The following LRP1B variants were observed in gnomAD, a reference collection of about 807,000 sequenced individuals.
The protein encoded by LRP1B is low-density lipoprotein receptor-related protein 1B.
In LRP1B, 217 loss-of-function variants were observed where a neutral mutation model predicts 556.6. That is an observed-to-expected ratio of 0.39 (90% CI 0.35 to 0.44). The LOEUF (loss-of-function observed/expected upper bound fraction) is 0.44, where lower values mean the gene tolerates loss of function less well. Ranked by LOEUF, LRP1B falls within the 20% of genes least tolerant of loss-of-function variation. The pLI, the probability that LRP1B is intolerant of heterozygous loss-of-function variation, is 1.00. For synonymous variants in LRP1B, 2,047 were observed against 1,865.8 expected (o/e 1.10, Z -2.50); for missense variants, 5,053 against 5,620.8 (o/e 0.90, Z 3.23).
At chr2:140,499,295 C>A (rs1345104275) in intron 55 of LRP1B, among the ~76,000 whole-genome samples, 1 of 151,778 alleles carries the variant, frequency 6.6e-6, no homozygotes, top group Non-Finnish European at 1.5e-5. Flanking sequence ...TTTTTGATGT[C>A]ATGTCACAAA....
At chr2:141,623,621 C>T (rs896047066) in intron 2 of LRP1B, among the ~76,000 whole-genome samples, 2 of 152,130 alleles carry the variant, frequency 1.3e-5, no homozygotes, top group Non-Finnish European at 2.9e-5. Flanking sequence ...ACTTCACCCA[C>T]TTTGGTGTAG....
At chr2:140,675,583 C>T (rs575052516) in intron 41 of LRP1B, among the ~76,000 whole-genome samples, 3 of 151,952 alleles carry the variant, frequency 2.0e-5, no homozygotes, top group Non-Finnish European at 4.4e-5. Context: ...TTAGTCTGGG[C>T]AACACAGTGA....
intron 77 of LRP1B, among the ~76,000 whole-genome samples, chr2:140,340,242 C>A (rs1253160357): frequency 6.6e-6 from 1 of 151,402 alleles, no homozygotes; most frequent in African/African-American, 2.4e-5. Context: ...ATCAGAAGAA[C>A]TGATTTAAAT....
intron 18 of LRP1B, among the ~76,000 whole-genome samples, chr2:140,980,831 T>A (rs1304599712): frequency 2.0e-5 from 3 of 152,192 alleles, no homozygotes; most frequent in African/African-American, 7.2e-5. Flanking sequence ...GCAAAGATAC[T>A]GAACCAACCT....
intron 49 of LRP1B, among the ~76,000 whole-genome samples, chr2:140,523,567 C>T (rs1457408736): frequency 1.3e-5 from 2 of 151,174 alleles, no homozygotes; most frequent in African/African-American, 4.9e-5. Flanking sequence ...AATTTAAAGG[C>T]ATGCAAATAG....
intron 1 of LRP1B, among the ~76,000 whole-genome samples, chr2:142,124,446 C>T (rs1707567164): frequency 6.6e-6 from 1 of 151,654 alleles, no homozygotes; most frequent in South Asian, 2.1e-4. Flanking sequence ...GCATTTAATC[C>T]TGTTGTCCAA....
At chr2:140,647,442 A>G (rs1684524336) in intron 41 of LRP1B, among the ~76,000 whole-genome samples, 1 of 152,254 alleles carries the variant, frequency 6.6e-6, no homozygotes, top group Admixed American at 6.5e-5. Flanking sequence ...TGTTTACCAT[A>G]CATAAATTGA....
chr2:141,388,846 T>A (rs1689943008), intron 3 of LRP1B, among the ~76,000 whole-genome samples: 1 of 152,200 alleles, frequency 6.6e-6, no homozygotes, highest in Admixed American at 6.5e-5. Flanking sequence ...AAATTGATTA[T>A]GTTCCTCACA....
At chr2:142,073,026 T>C (rs182908243) in intron 1 of LRP1B, among the ~76,000 whole-genome samples, 318 of 152,154 alleles carry the variant, frequency 2.1e-3, no homozygotes, top group Non-Finnish European at 3.8e-3. Context: ...TTAATCACAG[T>C]CAGAAAGTGT....
At position 140,252,411 on chromosome 2, in the gene LRP1B, A is replaced by G. The variant is rs969408900; in HGVS notation, c.13248-5249T>C. On this transcript the variant is annotated intron_variant, in intron 86 of 90. Transcript: ENST00000389484. ...AAAAATGTACTCATATCTAACTTCT[A>G]TAAGAATCCTATGAGTAGGCATTAT... 8.6e-5 allele frequency among the ~76,000 whole-genome samples: 13 copies of G among 151,970 alleles called. 1 individual carries two copies. Among genetic ancestry groups the G allele is most frequent in the African/African-American group, 2.2e-4 (9 of 41,424 alleles).
intron 71 of LRP1B, among the ~76,000 whole-genome samples, chr2:140,368,341 C>G (rs1682853758): frequency 6.6e-6 from 1 of 151,798 alleles, no homozygotes; most frequent in Admixed American, 6.6e-5. Context: ...AGTGCATCAT[C>G]ACAGAAAATA....
intron 1 of LRP1B, among the ~76,000 whole-genome samples, chr2:141,953,738 T>C (rs907431950): frequency 6.6e-6 from 1 of 152,112 alleles, no homozygotes. Context: ...TCTTTAAAAC[T>C]CCACAGTAAC....
intron 3 of LRP1B, among the ~76,000 whole-genome samples, chr2:141,362,316 TG>T (rs1688853932): frequency 6.6e-6 from 1 of 152,222 alleles, no homozygotes; most frequent in African/African-American, 2.4e-5. Context: ...ATTTACACTT[TG>T]GTTGGTAATG....
chr2:140,840,535 T>G (rs892076486), intron 30 of LRP1B, among the ~76,000 whole-genome samples: 1 of 152,180 alleles, frequency 6.6e-6, no homozygotes, highest in Non-Finnish European at 1.5e-5. Context: ...ACAAGGTGAC[T>G]ATCCAAATGA....
chr2:142,020,525 G>A lies in LRP1B; in HGVS notation c.82+110123C>T, dbSNP rs1485640602. Among the ~76,000 whole-genome samples the A allele has an allele frequency of 1.1e-4, 16 of 152,074 alleles. 1 individual carries two copies. The highest frequency in any genetic ancestry group is 1.5e-5 in the Non-Finnish European group (1 of 68,000). On this transcript the variant is annotated intron_variant, in intron 1 of 90. Transcript: ENST00000389484. ...TTAATACAGTTCAGAATAAAACAGT[G>A]ACCACGAAAGGAATTTCTGTCTGAT...
intron 27 of LRP1B, among the ~76,000 whole-genome samples, chr2:140,864,159 T>C (rs1344616832): frequency 6.6e-6 from 1 of 151,960 alleles, no homozygotes; most frequent in Non-Finnish European, 1.5e-5. Flanking sequence ...GGAAATGCAA[T>C]GATAATCAAG....
chr2:141,401,654 C>CA (rs1170450271), intron 3 of LRP1B, among the ~76,000 whole-genome samples: 4 of 152,034 alleles, frequency 2.6e-5, no homozygotes, highest in Admixed American at 1.3e-4. Flanking sequence ...TATTTTCTGA[C>CA]AAAAAAGACA....
chr2:141,575,139 C>T (rs1457978612), intron 2 of LRP1B, among the ~76,000 whole-genome samples: 2 of 151,750 alleles, frequency 1.3e-5, no homozygotes, highest in East Asian at 1.9e-4. Flanking sequence ...TCAAAGAAGA[C>T]CCTGTATAGC....
chr2:142,115,575 T>C lies in LRP1B; in HGVS notation c.82+15073A>G, dbSNP rs71349796. On this transcript the variant is annotated intron_variant, in intron 1 of 90. Transcript: ENST00000389484. ...TATATTATATATGTAATATATATTA[T>C]ATATGTAATATATATATTATATATG... is the stretch of plus-strand genomic sequence containing the variant. Among the ~76,000 whole-genome samples the C allele has an allele frequency of 2.3e-4, 11 of 48,334 alleles. 2 individuals carry two copies. Among genetic ancestry groups the C allele is most frequent in the South Asian group, 8.9e-4 (2 of 2,250 alleles). The allele number at this position is 48,334 out of a possible 152,430, so 31.7% of individuals were successfully genotyped here. A position where few individuals can be genotyped will look rare whatever the true frequency, so the allele number is the denominator to read the frequency against.
Sources: allele counts gnomAD v4.1 joint callset (sites outside exome capture counted in the v4.1 genomes callset), GRCh38; gene constraint gnomAD v4.1.1; transcripts MANE v1.5; gene names NCBI Gene and HGNC (gene_info 2026-07-23, HGNC 2026-07-21).